The following PRDM5 variants were observed in gnomAD, a reference collection of about 807,000 sequenced individuals.
The protein encoded by PRDM5 is PR/SET domain 5, also known as PR domain zinc finger protein 5.
PRDM5 carries 56 observed loss-of-function variants against 81.2 expected under a neutral mutation model. The observed-to-expected ratio is 0.69, with a 90% confidence interval of 0.56 to 0.86. The LOEUF (loss-of-function observed/expected upper bound fraction) is 0.86. Ranked by LOEUF, PRDM5 falls within the 40% of genes least tolerant of loss-of-function variation. PRDM5 has a pLI of 0.00. For missense variants in PRDM5, 697 were observed against 770.1 expected (o/e 0.91, Z 1.12); for synonymous variants, 267 against 256.4 (o/e 1.04, Z -0.39).
At chr4:120,920,820 C>T (rs1234522755) in intron 1 of PRDM5, among the ~76,000 whole-genome samples, 2 of 151,854 alleles carry the variant, frequency 1.3e-5, no homozygotes, top group Non-Finnish European at 2.9e-5. Flanking sequence ...GTTAAACTGG[C>T]CAGGAAAAGA....
At chr4:120,697,624 G>C (rs1465070983) in intron 15 of PRDM5, among the ~76,000 whole-genome samples, 1 of 74,102 alleles carries the variant, frequency 1.3e-5, no homozygotes, top group African/African-American at 5.3e-5. Context: ...TTTAGCCTCT[G>C]GAGAAGCTGG....
intron 13 of PRDM5, among the ~76,000 whole-genome samples, chr4:120,772,814 T>C (rs1747493998): frequency 6.6e-6 from 1 of 152,186 alleles, no homozygotes; most frequent in Non-Finnish European, 1.5e-5. Context: ...CAAAACTACT[T>C]TCATAATATT....
intron 3 of PRDM5, among the ~76,000 whole-genome samples, chr4:120,829,092 G>A (rs1237406627): frequency 6.6e-6 from 1 of 152,062 alleles, no homozygotes; most frequent in East Asian, 1.9e-4. Context: ...CTAAAGCAAA[G>A]CATGGTATGG....
chr4:120,793,198 C>T (rs573417842), intron 10 of PRDM5, among the ~76,000 whole-genome samples: 2 of 152,196 alleles, frequency 1.3e-5, no homozygotes, highest in African/African-American at 2.4e-5. Context: ...AGATCAGTGG[C>T]GGCATTAGAT....
chr4:120,840,194 G>A (rs749390161), intron 3 of PRDM5, among the ~76,000 whole-genome samples: 2 of 152,156 alleles, frequency 1.3e-5, no homozygotes, highest in African/African-American at 2.4e-5. Flanking sequence ...ACACCCTGGG[G>A]CAGGGCTCCA....
chr4:120,897,694 T>G (rs1764799065), intron 2 of PRDM5, among the ~76,000 whole-genome samples: 1 of 152,250 alleles, frequency 6.6e-6, no homozygotes. Flanking sequence ...TCCTTTTCAT[T>G]CATTCTGTCT....
At chr4:120,800,270 C>A (rs1435091341) in intron 8 of PRDM5, among the ~76,000 whole-genome samples, 1 of 152,174 alleles carries the variant, frequency 6.6e-6, no homozygotes, top group Non-Finnish European at 1.5e-5. Flanking sequence ...AATCCCAGCA[C>A]TTTGGGAGGC....
intron 14 of PRDM5, among the ~76,000 whole-genome samples, chr4:120,740,666 C>T (rs78005319): frequency 0.015 from 2,258 of 152,232 alleles, 57 homozygotes; most frequent in African/African-American, 0.051. Flanking sequence ...ATCCCATGGC[C>T]ATCTCATGTG....
At chr4:120,827,863 T>C (rs934262460) in intron 3 of PRDM5, among the ~76,000 whole-genome samples, 9 of 152,146 alleles carry the variant, frequency 5.9e-5, no homozygotes, top group African/African-American at 1.4e-4. Flanking sequence ...CTTATCCCTA[T>C]GGGCCTCAAT....
intron 2 of PRDM5, among the ~76,000 whole-genome samples, chr4:120,859,485 A>G (rs1760314824): frequency 6.6e-6 from 1 of 152,260 alleles, no homozygotes; most frequent in African/African-American, 2.4e-5. Flanking sequence ...TTGACCTCCC[A>G]AAGTGCTGGG....
intron 10 of PRDM5, among the ~76,000 whole-genome samples, chr4:120,792,026 C>A (rs990567021): frequency 6.6e-6 from 1 of 152,122 alleles, no homozygotes; most frequent in Admixed American, 6.5e-5. Flanking sequence ...GTTTAAACCA[C>A]CCAGCCCAAG....
At chr4:120,828,544 A>T (rs1756322142) in intron 3 of PRDM5, among the ~76,000 whole-genome samples, 1 of 152,154 alleles carries the variant, frequency 6.6e-6, no homozygotes, top group Non-Finnish European at 1.5e-5. Flanking sequence ...CTATAATTTT[A>T]ACTTCACTAG....
chr4:120,778,786 A>G (rs1413437070), intron 12 of PRDM5, among the ~76,000 whole-genome samples: 4 of 152,106 alleles, frequency 2.6e-5, no homozygotes, highest in Non-Finnish European at 5.9e-5. Flanking sequence ...TTTTACTACA[A>G]GCTGATATAC....
At chr4:120,772,385 A>G (rs75032591) in intron 13 of PRDM5, among the ~76,000 whole-genome samples, 14,283 of 152,216 alleles carry the variant, frequency 0.094, 1,467 homozygotes, top group African/African-American at 0.25. Flanking sequence ...ATGTTTTCCT[A>G]TTTACAGTCA....
downstream of PRDM5, among the ~76,000 whole-genome samples, chr4:120,691,112 TA>T (rs1734032112): frequency 6.6e-6 from 1 of 152,120 alleles, no homozygotes; most frequent in South Asian, 2.1e-4. Context: ...AGTATTGTGT[TA>T]AGAATTTTTT....
At chr4:120,903,300 C>CAA (rs1322574163) in intron 2 of PRDM5, among the ~76,000 whole-genome samples, 1 of 152,138 alleles carries the variant, frequency 6.6e-6, no homozygotes, top group African/African-American at 2.4e-5. Flanking sequence ...TGGAAAGACT[C>CAA]AAACAGTTCC....
At chr4:120,886,415 G>A (rs1763444211) in intron 2 of PRDM5, among the ~76,000 whole-genome samples, 1 of 152,086 alleles carries the variant, frequency 6.6e-6, no homozygotes, top group Non-Finnish European at 1.5e-5. Context: ...CATAATAACT[G>A]CAAAGAATGA....
intron 15 of PRDM5, among the ~76,000 whole-genome samples, chr4:120,699,298 G>A (rs1368930438): frequency 6.7e-6 from 1 of 149,734 alleles, no homozygotes; most frequent in Admixed American, 6.6e-5. Flanking sequence ...CTACTGACTA[G>A]TAGTATTAAC....
intron 14 of PRDM5, among the ~76,000 whole-genome samples, chr4:120,744,439 A>C (rs1742645169): frequency 6.6e-6 from 1 of 152,124 alleles, no homozygotes; most frequent in South Asian, 2.1e-4. Flanking sequence ...TCAGAGCAGA[A>C]CTGAAGGAAA....
Sources: gnomAD v4.1 joint callset for allele counts (sites outside exome capture counted in the v4.1 genomes callset) on GRCh38, gnomAD v4.1.1 for gene constraint, MANE v1.5 for transcripts, NCBI Gene and HGNC (gene_info 2026-07-23, HGNC 2026-07-21) for gene names.